The following SMARCA4 variants were observed in gnomAD, a reference collection of about 807,000 sequenced individuals.
SMARCA4 encodes SWI/SNF related BAF chromatin remodeling complex subunit ATPase 4.
Under a neutral mutation model 193.9 loss-of-function variants are expected in SMARCA4, and 31 were observed. That is an observed-to-expected ratio of 0.16 (90% CI 0.12 to 0.22). The LOEUF is 0.22. SMARCA4 is among the 10% of genes least tolerant of loss of function. The pLI is 1.00. For missense variants in SMARCA4, 1,148 were observed against 2,296.0 expected (o/e 0.50, Z 10.22); for synonymous variants, 942 against 933.1 (o/e 1.01, Z -0.17).
intron 34 of SMARCA4, among the ~76,000 whole-genome samples, chr19:11,061,403 G>A (rs1222001229): frequency 6.6e-6 from 1 of 151,636 alleles, no homozygotes; most frequent in East Asian, 1.9e-4. Flanking sequence ...GACTCGTCCT[G>A]TAGAGAAACA....
chr19:10,971,934 G>A (rs1342051618), intron 1 of SMARCA4, among the ~76,000 whole-genome samples: 3 of 150,788 alleles, frequency 2.0e-5, no homozygotes, highest in Non-Finnish European at 4.4e-5. Flanking sequence ...GATTACAGGC[G>A]TGCACCACCA....
At position 11,058,447 on chromosome 19, in the gene SMARCA4, T is replaced by C; in HGVS notation, c.4533+84T>C. 1 of 990,034 alleles carries C rather than the reference T, an allele frequency of 1.0e-6. No individual in the cohort carries two copies. Among genetic ancestry groups the C allele is most frequent in the Non-Finnish European group, 1.6e-6 (1 of 630,426 alleles). 61.3% of individuals were successfully genotyped at this position (990,034 alleles called of 1,614,324 possible). A position where few individuals can be genotyped will look rare whatever the true frequency, so the allele number is the denominator to read the frequency against. On this transcript the variant is annotated intron_variant, in intron 31 of 34. Coordinates refer to ENST00000344626, the MANE Select transcript of SMARCA4 (RefSeq NM_003072.5). This position sits in a 1 kb window ranked among gnomAD's most constrained non-coding sequence, Gnocchi z 5.8. ...GCACCCCCATCTGAGAGCTGTGGTG[T>C]GTGGGCAGAATGACCAGAAACCACC... is the stretch of plus-strand genomic sequence containing the variant.
chr19:11,027,678 C>G lies in SMARCA4; in HGVS notation c.3216-106C>G, dbSNP rs1600333422. The G allele has an allele frequency of 3.2e-6, 4 of 1,243,416 alleles. No individual in the cohort carries two copies. The South Asian group carries it at 4.8e-5, about 15-fold the overall frequency. 77.0% of individuals were successfully genotyped at this position (1,243,416 alleles called of 1,614,324 possible). A position where few individuals can be genotyped will look rare whatever the true frequency, so the allele number is the denominator to read the frequency against. The stretch of plus-strand genomic sequence containing the variant: ...TAGGATGCATGTCTGTGCCCTTGAA[C>G]CCGGCGCCTGGCCTGGAGGCGGGCG... On this transcript the variant is annotated intron_variant, in intron 23 of 34. Transcript: ENST00000344626.
rs375538143 is a variant in SMARCA4 at position 10,994,425 on chromosome 19, G to A, written c.1420-403G>A. 2.2e-4 allele frequency among the ~76,000 whole-genome samples: 32 copies of A among 146,966 alleles called. No individual in the cohort carries two copies. The East Asian group carries it at 2.4e-3, about 11-fold the overall frequency. On this transcript the variant is annotated intron_variant, in intron 8 of 34. Transcript: ENST00000344626. ...TGCAAGCTCCGCCTCCCGGGTTCACGCCATTCTCCTGCCTCAGCCTCCCGA... is the reference window on the plus strand; with the variant it reads ...TGCAAGCTCCGCCTCCCGGGTTCACACCATTCTCCTGCCTCAGCCTCCCGA...
chr19:10,993,093 C>T (rs538898792), intron 8 of SMARCA4, among the ~76,000 whole-genome samples: 2 of 148,014 alleles, frequency 1.4e-5, no homozygotes, highest in African/African-American at 5.0e-5. Context: ...TCAAGCGATT[C>T]TCCTGCCTTA....
rs1600473615 is a variant in SMARCA4 at position 11,041,983 on chromosome 19, C to G, written c.4424+423C>G. ...GCAGTAATGGGTGCTGCCCGTGTGG[C>G]CAGGAGGTTGGGGACAAGAGGCTGG... On this transcript the variant is annotated intron_variant, in intron 30 of 34. Transcript: ENST00000344626. This position sits in a 1 kb window ranked among gnomAD's most constrained non-coding sequence, Gnocchi z 5.6. Among the ~76,000 whole-genome samples, 1 of 152,174 alleles carries G rather than the reference C, an allele frequency of 6.6e-6. No individual in the cohort carries two copies. The highest frequency in any genetic ancestry group is 1.9e-4 in the East Asian group (1 of 5,180).
In SMARCA4 at chr19:11,033,021, G is replaced by T; in HGVS notation, c.3547-269G>T. The T allele has an allele frequency of 3.5e-6, 2 of 563,790 alleles. No individual in the cohort carries two copies. The highest frequency in any genetic ancestry group is 6.4e-6 in the Non-Finnish European group (2 of 312,028). 34.9% of individuals were successfully genotyped at this position (563,790 alleles called of 1,614,324 possible). On this transcript the variant is annotated intron_variant, in intron 25 of 34. Coordinates refer to ENST00000344626, the MANE Select transcript of SMARCA4 (RefSeq NM_003072.5). The surrounding 1 kb of genome is among the most constrained non-coding windows in gnomAD (Gnocchi z 9.8). ...TGAGAATATAATCCCCTGGGGGGTT[G>T]GTGCTTTCTTCCCGAATATCTGTGG...
intron 30 of SMARCA4, among the ~76,000 whole-genome samples, chr19:11,049,299 G>A (rs977000963): frequency 6.6e-6 from 1 of 152,176 alleles, no homozygotes; most frequent in Non-Finnish European, 1.5e-5. Flanking sequence ...CTCCTTGGTG[G>A]TTTGAAATCT....
intron 11 of SMARCA4, among the ~76,000 whole-genome samples, chr19:10,996,761 A>T (rs867579191): frequency 6.6e-6 from 1 of 152,050 alleles, no homozygotes; most frequent in Non-Finnish European, 1.5e-5. Context: ...CACAGGATTC[A>T]TCTTTCAGGT....
chr19:11,007,956 GAGA>G lies in SMARCA4; in HGVS notation c.2066_2068del (p.Lys689del), dbSNP rs765524239. On this transcript the variant is annotated inframe_deletion, in exon 14 of 35. Coordinates refer to ENST00000344626, the MANE Select transcript of SMARCA4 (RefSeq NM_003072.5). ...ACAGCCTCCCACCCTGCCCGTGGAG[GAGA>G]AGAAGAAGATTCCAGATCCAGACAG... 1.7e-5 allele frequency: 28 copies of G among 1,613,854 alleles called. No individual in the cohort carries two copies. The highest frequency in any genetic ancestry group is 6.7e-5 in the African/African-American group (5 of 75,008).
chr19:10,987,137 G>A lies in SMARCA4; in HGVS notation c.859+134G>A, dbSNP rs751803286. On this transcript the variant is annotated intron_variant, in intron 5 of 34. Transcript: ENST00000344626. The surrounding 1 kb of genome is among the most constrained non-coding windows in gnomAD (Gnocchi z 5.3). ...GAACTGCAGCCTGTACTTTTCTTGT[G>A]GTGGTCCCCGGGTCTCCCCTGTAGC... 3 of 703,222 alleles carry A rather than the reference G, an allele frequency of 4.3e-6. No individual in the cohort carries two copies. Among genetic ancestry groups the A allele is most frequent in the African/African-American group, 1.8e-5 (1 of 57,140 alleles). The allele number at this position is 703,222 out of a possible 1,614,324, so 43.6% of individuals were successfully genotyped here.
intron 30 of SMARCA4, among the ~76,000 whole-genome samples, chr19:11,046,235 A>C (rs928300919): frequency 5.9e-5 from 9 of 152,154 alleles, no homozygotes; most frequent in Admixed American, 2.0e-4. Flanking sequence ...AAAAAAAAAA[A>C]AAACCCCAAA....
chr19:10,962,515 G>C (rs980573655), intron 1 of SMARCA4, among the ~76,000 whole-genome samples: 2 of 152,078 alleles, frequency 1.3e-5, no homozygotes, highest in African/African-American at 4.8e-5. Context: ...GCTTGGAAGA[G>C]GGGGCCTCAA....
chr19:10,972,848 C>T (rs943969891), intron 1 of SMARCA4, among the ~76,000 whole-genome samples: 2 of 152,172 alleles, frequency 1.3e-5, no homozygotes, highest in South Asian at 2.1e-4. Context: ...CAGTGGCTCA[C>T]GCCTGTAATC....
intron 1 of SMARCA4, among the ~76,000 whole-genome samples, chr19:10,963,019 G>A (rs1472523366): frequency 5.3e-5 from 8 of 152,204 alleles, no homozygotes; most frequent in Admixed American, 2.6e-4. Context: ...GGTCTTTAGC[G>A]AACTTATGTG....
At chr19:11,010,565 A>G (rs2088730887) in intron 15 of SMARCA4, 34 bp downstream of exon 15, 10 of 1,607,670 alleles carry the variant, frequency 6.2e-6, no homozygotes, top group Non-Finnish European at 8.5e-6. Context: ...ACCGCCACGT[A>G]GCTGCCTCGG....
At chr19:11,061,215 A>G (rs1338827719) in intron 34 of SMARCA4, among the ~76,000 whole-genome samples, 1 of 112,950 alleles carries the variant, frequency 8.9e-6, no homozygotes, top group East Asian at 2.1e-4. Flanking sequence ...ATATATATAT[A>G]TATATATATA....
chr19:11,002,825 G>GA (rs1895760632), intron 11 of SMARCA4, among the ~76,000 whole-genome samples: 1 of 144,146 alleles, frequency 6.9e-6, no homozygotes, highest in Admixed American at 6.9e-5. Flanking sequence ...AAAAAAAGAA[G>GA]AAACAAGTGT....
intron 1 of SMARCA4, among the ~76,000 whole-genome samples, chr19:10,977,106 C>G (rs2085196215): frequency 6.6e-6 from 1 of 152,088 alleles, no homozygotes; most frequent in Non-Finnish European, 1.5e-5. Context: ...GGCAGCCGGC[C>G]AAATCTGTGT....
Sources: gnomAD v4.1 joint callset for allele counts (sites outside exome capture counted in the v4.1 genomes callset) on GRCh38, gnomAD v4.1.1 for gene constraint, Gnocchi (gnomAD v3.1) non-coding constraint, MANE v1.5 for transcripts, NCBI Gene and HGNC (gene_info 2026-07-23, HGNC 2026-07-21) for gene names.